TPRG1: variants seen among roughly 807,000 people sequenced by gnomAD.
TPRG1 encodes the protein tumor protein p63-regulated gene 1 protein.
TPRG1 carries 29 observed loss-of-function variants against 29.3 expected under a neutral mutation model. The ratio of observed to expected loss-of-function variants is 0.99; its 90% CI spans 0.74 to 1.35. The LOEUF (loss-of-function observed/expected upper bound fraction) is 1.35, where lower values mean the gene tolerates loss of function less well. Among genes scored for constraint, TPRG1 ranks in the 40% most tolerant of loss-of-function variants. The probability of loss-of-function intolerance (pLI) is 0.00; values close to 1 mark genes in which losing one functional copy is unlikely to be tolerated. For synonymous variants in TPRG1, 130 were observed against 116.8 expected (o/e 1.11, Z -0.73); for missense variants, 327 against 335.0 (o/e 0.98, Z 0.19).
rs184438997 is a variant in TPRG1 at position 189,054,091 on chromosome 3, A to C, written c.-463+30145A>C. ...TCAACATTCTTTTCTCACTAAGCTT[A>C]ATCATTTCTAGCTTTTGATTTAAAA... On this transcript the variant is annotated intron_variant, in intron 4 of 10. Coordinates refer to the TPRG1 transcript ENST00000433971. 2.0e-4 allele frequency among the ~76,000 whole-genome samples: 30 copies of C among 152,200 alleles called. No homozygotes were observed. The East Asian group carries it at 5.6e-3, about 29-fold the overall frequency.
intron 1 of TPRG1, among the ~76,000 whole-genome samples, chr3:189,110,254 C>T (rs569922337): frequency 6.6e-6 from 1 of 152,246 alleles, no homozygotes; most frequent in African/African-American, 2.4e-5. Context: ...CTAGTTACTC[C>T]ACCTTATATT....
chr3:189,168,527 A>T (rs1398109134), upstream of TPRG1, among the ~76,000 whole-genome samples: 5 of 152,150 alleles, frequency 3.3e-5, no homozygotes, highest in Admixed American at 2.6e-4. Flanking sequence ...ACTGTGCTAG[A>T]TTCTAAAAAG....
chr3:189,206,966 C>T (rs1734492547), intron 1 of TPRG1, among the ~76,000 whole-genome samples: 1 of 152,160 alleles, frequency 6.6e-6, no homozygotes, highest in African/African-American at 2.4e-5. Flanking sequence ...TATTATGACT[C>T]AAGAAGCACA....
At position 189,295,475 on chromosome 3, in the gene TPRG1, T is replaced by C. The variant is rs1457265639; in HGVS notation, c.480-14911T>C. 8.0e-5 allele frequency among the ~76,000 whole-genome samples: 11 copies of C among 137,040 alleles called. No homozygotes were observed. In the Admixed American group the frequency reaches 8.6e-4, roughly 11 times the overall value. 89.9% of individuals were successfully genotyped at this position (137,040 alleles called of 152,430 possible). On this transcript the variant is annotated intron_variant, in intron 4 of 5. Transcript: ENST00000345063. ...AGTATTCATTAGTTAACATAAACTC[T>C]ATTGGGTACTACTCAGATTGCAAAA...
chr3:189,266,226 A>G (rs1576898861), intron 4 of TPRG1, among the ~76,000 whole-genome samples: 1 of 152,234 alleles, frequency 6.6e-6, no homozygotes, highest in Admixed American at 6.5e-5. Context: ...GGTGACTGCC[A>G]TAGGTGTTCC....
intron 3 of TPRG1, 44 bp from the exon 4 acceptor site, chr3:189,238,689 T>TA (rs760483264): frequency 1.3e-6 from 2 of 1,518,182 alleles, no homozygotes; most frequent in Non-Finnish European, 1.8e-6. Context: ...GCTTTTAACT[T>TA]AGGCTGTGTC....
Position 189,126,573 on chromosome 3 carries a change from A to C in TPRG1, c.-743-484A>C, listed in dbSNP as rs1426182103. On this transcript the variant is annotated intron_variant, in intron 1 of 6. Transcript: ENST00000412373. ...GCATTTTTATATGGGAAATGGGTGC[A>C]TGTGATTAAGAGTGTGGTTTTTTGG... 2.0e-5 allele frequency among the ~76,000 whole-genome samples: 3 copies of C among 152,300 alleles called. No individual in the cohort carries two copies. The East Asian group carries it at 5.8e-4, about 29-fold the overall frequency.
chr3:189,270,568 G>C (rs753009418), intron 4 of TPRG1, among the ~76,000 whole-genome samples: 8 of 152,224 alleles, frequency 5.3e-5, no homozygotes, highest in Non-Finnish European at 8.8e-5. Context: ...GGTAGGGCTA[G>C]GGTTGGCAGG....
At chr3:189,198,854 C>T (rs900455591) in intron 1 of TPRG1, among the ~76,000 whole-genome samples, 6 of 152,174 alleles carry the variant, frequency 3.9e-5, no homozygotes, top group South Asian at 2.1e-4. Flanking sequence ...GAAGCATGCA[C>T]TCAAATGTCT....
At chr3:189,231,080 G>A (rs1254498264) in intron 3 of TPRG1, among the ~76,000 whole-genome samples, 1 of 151,992 alleles carries the variant, frequency 6.6e-6, no homozygotes, top group African/African-American at 2.4e-5. Flanking sequence ...CTTATAAGGT[G>A]TTCCACAGCA....
intron 4 of TPRG1, among the ~76,000 whole-genome samples, chr3:189,269,939 G>A (rs1410646512): frequency 6.6e-6 from 1 of 152,164 alleles, no homozygotes; most frequent in Non-Finnish European, 1.5e-5. Flanking sequence ...AGGAAATGGA[G>A]CATTGGTTGA....
At chr3:189,264,889 A>G (rs1203645862) in intron 4 of TPRG1, among the ~76,000 whole-genome samples, 1 of 152,222 alleles carries the variant, frequency 6.6e-6, no homozygotes, top group Admixed American at 6.5e-5. Context: ...TCTGCAATTC[A>G]TAACATTCAG....
chr3:189,260,080 C>G (rs1396365503), intron 4 of TPRG1, among the ~76,000 whole-genome samples: 1 of 152,130 alleles, frequency 6.6e-6, no homozygotes, highest in Non-Finnish European at 1.5e-5. Flanking sequence ...GGGAGTCAAT[C>G]CAGATTTCCC....
intron 4 of TPRG1, among the ~76,000 whole-genome samples, chr3:189,053,975 C>A (rs1324908634): frequency 3.3e-5 from 5 of 152,126 alleles, no homozygotes; most frequent in Non-Finnish European, 7.4e-5. Context: ...GTAGCACTTT[C>A]AATTTCCTTC....
chr3:189,323,174 G>C lies in TPRG1; in HGVS notation c.*2354G>C, dbSNP rs1189247522. ...GTTCAAGGAAAGACTAGATAAAGTC[G>C]ATATTGTGAGAGGAATTGCTGTATG... is the stretch of plus-strand genomic sequence containing the variant. On this transcript the variant is annotated 3_prime_UTR_variant, in exon 6 of 6. Coordinates refer to ENST00000345063, the MANE Select transcript of TPRG1 (RefSeq NM_198485.4). The C allele has an allele frequency of 6.6e-6, 1 of 152,086 alleles. No individual in the cohort carries two copies. Among genetic ancestry groups the C allele is most frequent in the South Asian group, 2.1e-4 (1 of 4,836 alleles). The allele number at this position is 152,086 out of a possible 1,614,324, so 9.4% of individuals were successfully genotyped here. A position where few individuals can be genotyped will look rare whatever the true frequency, so the allele number is the denominator to read the frequency against.
At chr3:189,072,679 A>G (rs977497858) in intron 4 of TPRG1, among the ~76,000 whole-genome samples, 2 of 152,036 alleles carry the variant, frequency 1.3e-5, no homozygotes, top group Non-Finnish European at 2.9e-5. Flanking sequence ...TAGATTTTGC[A>G]AGTATTTTTT....
At chr3:189,221,334 C>T (rs9832861) in intron 3 of TPRG1, among the ~76,000 whole-genome samples, 3 of 151,920 alleles carry the variant, frequency 2.0e-5, no homozygotes, top group East Asian at 1.9e-4. Context: ...TCTAAAGTTG[C>T]GGAAATAAGG....
At chr3:189,037,802 A>G (rs1714370178) in intron 4 of TPRG1, among the ~76,000 whole-genome samples, 1 of 151,802 alleles carries the variant, frequency 6.6e-6, no homozygotes, top group South Asian at 2.1e-4. Flanking sequence ...GTAGTAAATT[A>G]GTAAGATATA....
intron 4 of TPRG1, among the ~76,000 whole-genome samples, chr3:189,286,895 T>G (rs1218302869): frequency 6.6e-6 from 1 of 152,118 alleles, no homozygotes; most frequent in African/African-American, 2.4e-5. Flanking sequence ...GAGGCACTCC[T>G]GTATCCTTCT....
Sources: gnomAD v4.1 joint callset for allele counts (sites outside exome capture counted in the v4.1 genomes callset) on GRCh38, gnomAD v4.1.1 for gene constraint, MANE v1.5 for transcripts, NCBI Gene and HGNC (gene_info 2026-07-23, HGNC 2026-07-21) for gene names.